Variants in GRIK4 observed in about 807,000 individuals in gnomAD.
The protein encoded by GRIK4 is glutamate receptor ionotropic, kainate 4.
A neutral mutation model predicts 104.9 loss-of-function variants in GRIK4; 40 were observed. That is an observed-to-expected ratio of 0.38 (90% CI 0.30 to 0.50). The LOEUF is 0.50. Ranked by LOEUF, GRIK4 falls within the 20% of genes least tolerant of loss-of-function variation. GRIK4 has a pLI of 0.93. For synonymous variants in GRIK4, 485 were observed against 524.9 expected (o/e 0.92, Z 1.04); for missense variants, 1,047 against 1,308.1 (o/e 0.80, Z 3.08).
intron 11 of GRIK4, among the ~76,000 whole-genome samples, chr11:120,892,928 G>A (rs568205911): frequency 2.6e-5 from 4 of 152,296 alleles, no homozygotes; most frequent in South Asian, 4.1e-4. Flanking sequence ...GACAGCAGTC[G>A]TAATAGGAGC....
intron 1 of GRIK4, among the ~76,000 whole-genome samples, chr11:120,515,710 G>T (rs763592804): frequency 6.6e-6 from 1 of 152,164 alleles, no homozygotes; most frequent in South Asian, 2.1e-4. Flanking sequence ...CCTCTTCATA[G>T]TAAGGACATA....
chr11:120,811,989 A>T (rs536583528), intron 4 of GRIK4, among the ~76,000 whole-genome samples: 10 of 152,250 alleles, frequency 6.6e-5, no homozygotes, highest in African/African-American at 2.2e-4. Flanking sequence ...TTGGGGGCAC[A>T]CTCCGATCTA....
chr11:120,747,420 C>T (rs559246047), intron 3 of GRIK4, among the ~76,000 whole-genome samples: 8 of 152,176 alleles, frequency 5.3e-5, no homozygotes, highest in Admixed American at 6.5e-5. Flanking sequence ...TGTGACAAAC[C>T]GAGTCAGTGT....
chr11:120,733,085 T>C (rs182339240), intron 3 of GRIK4, among the ~76,000 whole-genome samples: 1 of 152,344 alleles, frequency 6.6e-6, no homozygotes, highest in East Asian at 1.9e-4. Flanking sequence ...TTTATCATTA[T>C]ATAATGACAT....
Position 120,862,096 on chromosome 11 carries a change from C to A in GRIK4, c.882C>A (p.Asp294Glu), listed in dbSNP as rs749200805. 3 of 1,614,096 alleles carry A rather than the reference C, an allele frequency of 1.9e-6. No individual in the cohort carries two copies. The highest frequency in any genetic ancestry group is 1.7e-6 in the Non-Finnish European group (2 of 1,179,972). ...ACCAGTCCTGGCAGGAGAACTGTGA[C>A]CATGTGCCCTTCACTGGGCCTGCGG... Reference protein sequence around the residue: ...SLNQSWQENCDHVPFTGPALS... With the variant: ...SLNQSWQENCEHVPFTGPALS... The change falls in exon 9 of 21, where the codon GAC becomes GAA. Residue 294 changes from aspartate (D) to glutamate (E), a missense_variant. Physicochemically the swap from Asp to Glu is conservative, Grantham distance 45. Around this residue, in one of 3 missense-constraint regions of GRIK4, gnomAD observed 447 missense variants for 514.9 expected, o/e 0.87. Coordinates refer to ENST00000527524, the MANE Select transcript of GRIK4 (RefSeq NM_014619.5).
intron 8 of GRIK4, among the ~76,000 whole-genome samples, chr11:120,844,029 G>A (rs1479033245): frequency 2.0e-5 from 3 of 152,040 alleles, no homozygotes; most frequent in African/African-American, 7.3e-5. Flanking sequence ...TTCCTCCCCT[G>A]GGTTCGTTTT....
At chr11:120,774,293 A>G (rs1204616962) in intron 3 of GRIK4, among the ~76,000 whole-genome samples, 1 of 152,158 alleles carries the variant, frequency 6.6e-6, no homozygotes, top group Non-Finnish European at 1.5e-5. Flanking sequence ...AGAGCTGTGT[A>G]TTAGGGTTCT....
At chr11:120,978,684 G>A (rs1252589426) in intron 19 of GRIK4, among the ~76,000 whole-genome samples, 2 of 152,144 alleles carry the variant, frequency 1.3e-5, no homozygotes, top group Admixed American at 1.3e-4. Context: ...GGAGGAATAG[G>A]GAGAAGGGTA....
chr11:120,511,977 A>C (rs995013723), intron 1 of GRIK4, 90 bp downstream of exon 1: 1 of 61,226 alleles, frequency 1.6e-5, no homozygotes, highest in Non-Finnish European at 3.2e-5. Context: ...CCCTTCCCGC[A>C]CCCCGACTTC....
intron 3 of GRIK4, among the ~76,000 whole-genome samples, chr11:120,748,189 C>T (rs1951480862): frequency 6.6e-6 from 1 of 151,876 alleles, no homozygotes; most frequent in Non-Finnish European, 1.5e-5. Flanking sequence ...CAGGTTAAAC[C>T]CTCCTCTCTC....
intron 11 of GRIK4, among the ~76,000 whole-genome samples, chr11:120,889,959 A>T (rs1200431002): frequency 6.6e-6 from 1 of 152,092 alleles, no homozygotes; most frequent in East Asian, 1.9e-4. Context: ...ATTGCCTCAG[A>T]TCACCCTAAT....
intron 1 of GRIK4, among the ~76,000 whole-genome samples, chr11:120,585,339 CTCTCT>C (rs1406789012): frequency 7.1e-6 from 1 of 141,624 alleles, no homozygotes; most frequent in Non-Finnish European, 1.6e-5. Flanking sequence ...CTCCCTCTCT[CTCTCT>C]TTTTTTTTTT....
intron 1 of GRIK4, among the ~76,000 whole-genome samples, chr11:120,602,617 G>A (rs921161698): frequency 1.3e-5 from 2 of 152,218 alleles, no homozygotes; most frequent in Admixed American, 6.5e-5. Flanking sequence ...GGCTGAGCCC[G>A]AAGCCCATAG....
chr11:120,764,414 C>G (rs987883835), intron 3 of GRIK4, among the ~76,000 whole-genome samples: 4 of 152,106 alleles, frequency 2.6e-5, no homozygotes, highest in Admixed American at 6.5e-5. Context: ...CAGTCTGTGC[C>G]TTTTAATTGG....
intron 1 of GRIK4, among the ~76,000 whole-genome samples, chr11:120,632,192 C>G (rs1949341041): frequency 6.6e-6 from 1 of 152,152 alleles, no homozygotes; most frequent in South Asian, 2.1e-4. Flanking sequence ...AGAGCTTGCT[C>G]TCTCTTTCCA....
chr11:120,718,171 C>G (rs978716788), intron 3 of GRIK4, among the ~76,000 whole-genome samples: 1 of 152,116 alleles, frequency 6.6e-6, no homozygotes, highest in Non-Finnish European at 1.5e-5. Flanking sequence ...CCTCTCCTCA[C>G]CAAGAGCAAA....
intron 3 of GRIK4, among the ~76,000 whole-genome samples, chr11:120,720,498 G>T (rs1361010346): frequency 6.6e-6 from 1 of 152,158 alleles, no homozygotes; most frequent in Non-Finnish European, 1.5e-5. Flanking sequence ...GCCAGGCCTG[G>T]ACCACGTGGG....
At position 120,769,254 on chromosome 11, in the gene GRIK4, C is replaced by T. The variant is rs185439726; in HGVS notation, c.83-33439C>T. On this transcript the variant is annotated intron_variant, in intron 3 of 20. Transcript: ENST00000527524. ...TCAAGCTTTCTGTTTCTTCCTGATT[C>T]AATCTTGGTAGGTTACATTTTTCTA... Among the ~76,000 whole-genome samples the T allele has an allele frequency of 3.0e-4, 45 of 151,918 alleles. No individual in the cohort carries two copies. The East Asian group carries it at 3.5e-3, about 12-fold the overall frequency.
At position 120,629,885 on chromosome 11, in the gene GRIK4, C is replaced by A. The variant is rs1307888965; in HGVS notation, c.-158-23800C>A. 2.6e-5 allele frequency among the ~76,000 whole-genome samples: 4 copies of A among 152,222 alleles called. No homozygotes were observed. The East Asian group carries it at 7.7e-4, about 29-fold the overall frequency. ...TTTGTCTGCACCAGGGCAGGGGCCT[C>A]TCTGCTGACGGGGCCTGTCCCAGCT... On this transcript the variant is annotated intron_variant, in intron 1 of 20. Coordinates refer to ENST00000527524, the MANE Select transcript of GRIK4 (RefSeq NM_014619.5).
Sources: allele counts gnomAD v4.1 joint callset (sites outside exome capture counted in the v4.1 genomes callset), GRCh38; gene constraint gnomAD v4.1.1; regional missense constraint gnomAD v4.1.1; transcripts MANE v1.5; gene names NCBI Gene and HGNC (gene_info 2026-07-23, HGNC 2026-07-21).